SLC8A1: variants seen among roughly 807,000 people sequenced by gnomAD.
SLC8A1 encodes sodium/calcium exchanger 1.
Under a neutral mutation model 68.3 loss-of-function variants are expected in SLC8A1, and 18 were observed. The ratio of observed to expected loss-of-function variants is 0.26; its 90% CI spans 0.18 to 0.39. SLC8A1 has a LOEUF of 0.39. SLC8A1 is among the 10% of genes least tolerant of loss of function. SLC8A1 has a pLI of 1.00. For missense variants in SLC8A1, 985 were observed against 1,156.7 expected (o/e 0.85, Z 2.15); for synonymous variants, 475 against 415.5 (o/e 1.14, Z -1.74).
In SLC8A1 at chr2:40,301,281, TAAAG is replaced by T. The variant is rs557158103; in HGVS notation, c.1809-123430_1809-123427del. Among the ~76,000 whole-genome samples, 4 of 152,302 alleles carry T rather than the reference TAAAG, an allele frequency of 2.6e-5. No homozygotes were observed. The South Asian group carries it at 8.3e-4, about 32-fold the overall frequency. ...GATGTTATAAGTCCCATCTTAGACA[TAAAG>T]AAACTGAAGTTGAAGTTGTGATAAC... On this transcript the variant is annotated intron_variant, in intron 2 of 7. Coordinates refer to ENST00000406785, the Ensembl canonical transcript of SLC8A1.
intron 2 of SLC8A1, among the ~76,000 whole-genome samples, chr2:40,288,952 G>A (rs565462454): frequency 2.4e-4 from 36 of 147,778 alleles, no homozygotes; most frequent in African/African-American, 8.6e-4. Context: ...CTCCCAACTT[G>A]GCCTCCCAAA....
intron 2 of SLC8A1, among the ~76,000 whole-genome samples, chr2:40,249,990 C>A (rs1322254836): frequency 1.3e-5 from 2 of 152,128 alleles, no homozygotes; most frequent in African/African-American, 4.8e-5. Context: ...GGTCTATACT[C>A]AAAACCTTCC....
At chr2:40,352,268 A>G (rs1671338260) in intron 2 of SLC8A1, among the ~76,000 whole-genome samples, 1 of 152,210 alleles carries the variant, frequency 6.6e-6, no homozygotes, top group Admixed American at 6.5e-5. Flanking sequence ...AAAAAGCAGA[A>G]GTTAAATTTA....
At chr2:40,493,767 G>T (rs1299155693) in intron 1 of SLC8A1, among the ~76,000 whole-genome samples, 3 of 150,634 alleles carry the variant, frequency 2.0e-5, no homozygotes, top group African/African-American at 7.3e-5. Context: ...CAATTCTCCT[G>T]CCTCAGCCTC....
intron 2 of SLC8A1, among the ~76,000 whole-genome samples, chr2:40,333,827 T>A (rs1448772327): frequency 1.3e-5 from 2 of 152,054 alleles, no homozygotes; most frequent in Non-Finnish European, 2.9e-5. Flanking sequence ...GGCGGGTGGA[T>A]CTCTTGAGGT....
At chr2:40,395,312 C>T (rs1022801107) in intron 2 of SLC8A1, among the ~76,000 whole-genome samples, 6 of 152,108 alleles carry the variant, frequency 3.9e-5, no homozygotes, top group African/African-American at 1.2e-4. Context: ...TTAGGTAAAT[C>T]AGATCTCAAA....
chr2:40,301,604 G>T (rs760538939), intron 2 of SLC8A1, among the ~76,000 whole-genome samples: 2 of 152,168 alleles, frequency 1.3e-5, no homozygotes, highest in Non-Finnish European at 2.9e-5. Flanking sequence ...AAGGGTGGGA[G>T]GGAAGTGAGG....
chr2:40,392,630 G>T (rs1685664492), intron 2 of SLC8A1, among the ~76,000 whole-genome samples: 1 of 152,014 alleles, frequency 6.6e-6, no homozygotes, highest in African/African-American at 2.4e-5. Flanking sequence ...AAATATCTTT[G>T]AAAGTTCCAC....
At chr2:40,509,183 T>G (rs926928797) in intron 1 of SLC8A1, among the ~76,000 whole-genome samples, 2 of 152,094 alleles carry the variant, frequency 1.3e-5, no homozygotes, top group Admixed American at 1.3e-4. Context: ...AGATAAAAAA[T>G]TGAAAGCGGT....
At chr2:40,315,976 T>C (rs1435406669) in intron 2 of SLC8A1, among the ~76,000 whole-genome samples, 3 of 152,060 alleles carry the variant, frequency 2.0e-5, no homozygotes, top group South Asian at 2.1e-4. Context: ...TTGTGTGCTA[T>C]AGACCTTCTA....
intron 2 of SLC8A1, among the ~76,000 whole-genome samples, 194 bp from the exon 3 acceptor site, chr2:40,178,687 T>C (rs1339988373): frequency 6.6e-6 from 1 of 152,190 alleles, no homozygotes; most frequent in Non-Finnish European, 1.5e-5. Flanking sequence ...ACCCAATGCA[T>C]AGCTCCCCTG....
chr2:40,220,744 T>G (rs1204490760), intron 2 of SLC8A1, among the ~76,000 whole-genome samples: 1 of 152,160 alleles, frequency 6.6e-6, no homozygotes, highest in African/African-American at 2.4e-5. Context: ...AGTTCTTTTT[T>G]GTTCATCCTT....
At chr2:40,173,173 T>C (rs1015211212) in intron 4 of SLC8A1, among the ~76,000 whole-genome samples, 3 of 152,148 alleles carry the variant, frequency 2.0e-5, no homozygotes, top group Non-Finnish European at 4.4e-5. Flanking sequence ...GCCAAATTTA[T>C]ACCTTCTTCA....
At chr2:40,494,722 C>G (rs1705578867) in intron 1 of SLC8A1, among the ~76,000 whole-genome samples, 1 of 122,806 alleles carries the variant, frequency 8.1e-6, no homozygotes, top group Non-Finnish European at 1.7e-5. Flanking sequence ...TCCATTTTTT[C>G]TTTTGCTCAT....
intron 2 of SLC8A1, among the ~76,000 whole-genome samples, chr2:40,258,587 T>G (rs2064260453): frequency 6.7e-6 from 1 of 149,882 alleles, no homozygotes; most frequent in Admixed American, 6.6e-5. Context: ...ACACCTGCAA[T>G]CCCAGCATTT....
intron 1 of SLC8A1, among the ~76,000 whole-genome samples, chr2:40,442,134 G>A (rs1162640589): frequency 6.6e-6 from 1 of 150,608 alleles, no homozygotes; most frequent in Non-Finnish European, 1.5e-5. Context: ...CACCAGCATG[G>A]CACATGTATA....
At chr2:40,128,603 T>C (rs996322239) in intron 7 of SLC8A1, among the ~76,000 whole-genome samples, 8 of 152,178 alleles carry the variant, frequency 5.3e-5, no homozygotes, top group Non-Finnish European at 7.3e-5. Flanking sequence ...TCATTAAACA[T>C]CAGGTACTGC....
chr2:40,393,692 A>G (rs1196626512), intron 2 of SLC8A1, among the ~76,000 whole-genome samples: 2 of 152,168 alleles, frequency 1.3e-5, no homozygotes, highest in East Asian at 1.9e-4. Context: ...TTGGAATATT[A>G]TCCTTGTGTC....
chr2:40,174,979 T>G, intron 3 of SLC8A1, 137 bp from the exon 5 acceptor site: 2 of 826,454 alleles, frequency 2.4e-6, no homozygotes, highest in Non-Finnish European at 3.9e-6. Context: ...TAGGAAAATG[T>G]TCATGACTGA....
Sources: gnomAD v4.1 joint callset for allele counts (sites outside exome capture counted in the v4.1 genomes callset) on GRCh38, gnomAD v4.1.1 for gene constraint, MANE v1.5 for transcripts, NCBI Gene and HGNC (gene_info 2026-07-23, HGNC 2026-07-21) for gene names.